MCTP1: variants seen among roughly 807,000 people sequenced by gnomAD.
MCTP1 encodes the protein multiple C2 and transmembrane domain containing 1, also known as multiple C2 and transmembrane domain-containing protein 1.
MCTP1 carries 69 observed loss-of-function variants against 120.6 expected under a neutral mutation model. The ratio of observed to expected loss-of-function variants is 0.57; its 90% CI spans 0.47 to 0.70. The LOEUF (loss-of-function observed/expected upper bound fraction) is 0.70. Among genes scored for constraint, MCTP1 ranks in the 30% least tolerant of loss-of-function variants. MCTP1 has a pLI of 0.00. For missense variants in MCTP1, 1,203 were observed against 1,248.8 expected (o/e 0.96, Z 0.55); for synonymous variants, 529 against 493.1 (o/e 1.07, Z -0.96).
At chr5:95,133,252 A>G (rs940575813) in intron 1 of MCTP1, among the ~76,000 whole-genome samples, 1 of 152,168 alleles carries the variant, frequency 6.6e-6, no homozygotes, top group Non-Finnish European at 1.5e-5. Flanking sequence ...GATACTTGAA[A>G]CCATGGATAG....
intron 19 of MCTP1, among the ~76,000 whole-genome samples, chr5:94,726,600 G>C (rs1303776456): frequency 6.6e-6 from 1 of 151,824 alleles, no homozygotes; most frequent in Non-Finnish European, 1.5e-5. Flanking sequence ...TTCTTAAATA[G>C]ATTTGTTATG....
At chr5:95,168,839 G>A (rs534608118) in intron 1 of MCTP1, among the ~76,000 whole-genome samples, 8 of 152,260 alleles carry the variant, frequency 5.3e-5, no homozygotes, top group African/African-American at 1.9e-4. Flanking sequence ...CATGTCATCT[G>A]CAAACAGGGA....
At chr5:95,185,107 G>C (rs1045477142) in intron 1 of MCTP1, among the ~76,000 whole-genome samples, 2 of 152,260 alleles carry the variant, frequency 1.3e-5, no homozygotes, top group South Asian at 4.1e-4. Context: ...TCTAGGCAGT[G>C]GGCAAGGTGA....
At chr5:95,171,849 G>A (rs1274692729) in intron 1 of MCTP1, among the ~76,000 whole-genome samples, 1 of 151,430 alleles carries the variant, frequency 6.6e-6, no homozygotes, top group Non-Finnish European at 1.5e-5. Context: ...TTTGCGATGG[G>A]TTTCAACTTA....
intron 17 of MCTP1, among the ~76,000 whole-genome samples, chr5:94,816,995 T>C (rs949567104): frequency 6.6e-6 from 1 of 152,176 alleles, no homozygotes; most frequent in African/African-American, 2.4e-5. Flanking sequence ...GTGTCAAAGA[T>C]AAGAAATGCT....
At chr5:95,090,934 CA>C (rs1386751843) in intron 1 of MCTP1, among the ~76,000 whole-genome samples, 2 of 152,116 alleles carry the variant, frequency 1.3e-5, no homozygotes, top group African/African-American at 4.8e-5. Context: ...TAGGTTGGTG[CA>C]AAAGTGATGG....
intron 2 of MCTP1, among the ~76,000 whole-genome samples, chr5:94,962,248 G>T (rs1040836071): frequency 6.6e-6 from 1 of 152,034 alleles, no homozygotes; most frequent in Non-Finnish European, 1.5e-5. Flanking sequence ...ATTCCTTAAA[G>T]AACTAAAAGT....
chr5:95,140,772 C>CGGGAGGCT (rs1246552274), intron 1 of MCTP1, among the ~76,000 whole-genome samples: 1 of 131,824 alleles, frequency 7.6e-6, no homozygotes, highest in African/African-American at 2.8e-5. Context: ...CCCAGCTACT[C>CGGGAGGCT]GGGAGGCTGA....
intron 1 of MCTP1, among the ~76,000 whole-genome samples, chr5:95,122,673 T>C (rs904949585): frequency 6.6e-6 from 1 of 152,174 alleles, no homozygotes; most frequent in Non-Finnish European, 1.5e-5. Flanking sequence ...AGGAATTCAG[T>C]ATATTGAAGA....
At chr5:94,914,186 G>A (rs1326217644) in intron 8 of MCTP1, among the ~76,000 whole-genome samples, 3 of 152,190 alleles carry the variant, frequency 2.0e-5, no homozygotes, top group Non-Finnish European at 4.4e-5. Context: ...TGTAAAAATA[G>A]TTTCTTTCAT....
At position 95,140,875 on chromosome 5, in the gene MCTP1, G is replaced by A. The variant is rs372817616; in HGVS notation, c.721-123391C>T. ...AGCCTGGGCGACAGAGCGAGACTCC[G>A]TCTCAAAAAAAAAAAAAAAAAAAAA... On this transcript the variant is annotated intron_variant, in intron 1 of 22. Transcript: ENST00000515393. 1.3e-3 allele frequency among the ~76,000 whole-genome samples: 93 copies of A among 70,256 alleles called. 2 individuals are homozygous for A. Among genetic ancestry groups the A allele is most frequent in the Middle Eastern group, 0.034 (2 of 58 alleles). The allele number at this position is 70,256 out of a possible 152,430, so 46.1% of individuals were successfully genotyped here.
At position 94,939,357 on chromosome 5, in the gene MCTP1, G is replaced by T. The variant is rs140407053; in HGVS notation, c.1173+727C>A. On this transcript the variant is annotated intron_variant, in intron 5 of 22. Transcript: ENST00000515393. The stretch of plus-strand genomic sequence containing the variant: ...ACTACTAAAATGTGTTATAATCAGA[G>T]CTAGTTAGAGTAGTTCCCAGGCACA... Among the ~76,000 whole-genome samples the T allele has an allele frequency of 5.0e-3, 753 of 152,112 alleles. 4 individuals are homozygous for T. Among genetic ancestry groups the T allele is most frequent in the Non-Finnish European group, 8.5e-3 (577 of 67,948 alleles).
At chr5:95,147,421 CTTG>C (rs1443233189) in intron 1 of MCTP1, among the ~76,000 whole-genome samples, 1 of 152,208 alleles carries the variant, frequency 6.6e-6, no homozygotes, top group Non-Finnish European at 1.5e-5. Context: ...GTTACACCTT[CTTG>C]TTGAGTTGAA....
intron 1 of MCTP1, chr5:95,068,706 G>T: frequency 2.3e-6 from 2 of 860,674 alleles, no homozygotes; most frequent in Non-Finnish European, 3.1e-6. Flanking sequence ...TTCACAATTC[G>T]GTCAAAAAAT....
chr5:95,197,573 A>G (rs1750532077), intron 1 of MCTP1, among the ~76,000 whole-genome samples: 1 of 152,200 alleles, frequency 6.6e-6, no homozygotes, highest in Non-Finnish European at 1.5e-5. Context: ...ATATTAATGA[A>G]AAAAAATCAA....
intron 2 of MCTP1, among the ~76,000 whole-genome samples, chr5:95,005,843 T>G (rs1834627222): frequency 6.6e-6 from 1 of 151,922 alleles, no homozygotes; most frequent in Non-Finnish European, 1.5e-5. Flanking sequence ...TAACATACAT[T>G]TAAGGAAGAT....
intron 1 of MCTP1, among the ~76,000 whole-genome samples, chr5:95,238,374 A>T (rs2040793602): frequency 6.6e-6 from 1 of 152,218 alleles, no homozygotes; most frequent in Non-Finnish European, 1.5e-5. Flanking sequence ...CGTTTTTGCT[A>T]CATTCTGGGA....
chr5:94,958,441 A>G (rs1823247501), intron 2 of MCTP1, among the ~76,000 whole-genome samples: 1 of 151,892 alleles, frequency 6.6e-6, no homozygotes, highest in Non-Finnish European at 1.5e-5. Flanking sequence ...AAGGAGATAG[A>G]GACATGAAAA....
chr5:95,145,254 A>C (rs1460224887), intron 1 of MCTP1, among the ~76,000 whole-genome samples: 1 of 152,136 alleles, frequency 6.6e-6, no homozygotes, highest in African/African-American at 2.4e-5. Context: ...TTGTATACTG[A>C]AAGTTTACTG....
Sources: gnomAD v4.1 joint callset for allele counts (sites outside exome capture counted in the v4.1 genomes callset) on GRCh38, gnomAD v4.1.1 for gene constraint, MANE v1.5 for transcripts, NCBI Gene and HGNC (gene_info 2026-07-23, HGNC 2026-07-21) for gene names.